The following NPAS2 variants were observed in gnomAD, a reference collection of about 807,000 sequenced individuals.
NPAS2 encodes neuronal PAS domain-containing protein 2.
In NPAS2, 23 loss-of-function variants were observed where a neutral mutation model predicts 107.5. The ratio of observed to expected loss-of-function variants is 0.21; its 90% CI spans 0.15 to 0.30. The LOEUF (loss-of-function observed/expected upper bound fraction) is 0.30, where lower values mean the gene tolerates loss of function less well. Among genes scored for constraint, NPAS2 ranks in the 10% least tolerant of loss-of-function variants. NPAS2 has a pLI of 1.00. For synonymous variants in NPAS2, 403 were observed against 417.5 expected, an observed-to-expected ratio of 0.97 and a Z score of 0.42; for missense variants, 756 against 1,043.3, an observed-to-expected ratio of 0.72 and a Z score of 3.79.
intron 1 of NPAS2, among the ~76,000 whole-genome samples, chr2:100,863,730 A>G (rs769248368): frequency 1.2e-4 from 18 of 152,120 alleles, no homozygotes; most frequent in Non-Finnish European, 2.5e-4. Context: ...TTTTTGTGCA[A>G]ATATTTTATA....
At chr2:100,971,197 G>T (rs1038341996) in intron 12 of NPAS2, 123 bp downstream of exon 12, 18 of 825,246 alleles carry the variant, frequency 2.2e-5, no homozygotes, top group Admixed American at 9.9e-5. Context: ...TATTCAGGAG[G>T]CTGAGGTGGG....
intron 6 of NPAS2, among the ~76,000 whole-genome samples, chr2:100,948,834 T>G (rs2105047981): frequency 6.6e-6 from 1 of 152,346 alleles, no homozygotes; most frequent in African/African-American, 2.4e-5. Context: ...AATTCAGACG[T>G]TTTTATCAAA....
intron 1 of NPAS2, among the ~76,000 whole-genome samples, chr2:100,883,080 A>G (rs541930297): frequency 2.0e-5 from 3 of 152,218 alleles, no homozygotes; most frequent in Admixed American, 6.5e-5. Flanking sequence ...AGCAGTGTCT[A>G]TGATGGATTG....
At chr2:100,920,663 C>G (rs1258988568) in intron 2 of NPAS2, among the ~76,000 whole-genome samples, 1 of 152,198 alleles carries the variant, frequency 6.6e-6, no homozygotes, top group Non-Finnish European at 1.5e-5. Flanking sequence ...AGGACCCAGG[C>G]TGACAGAGGC....
intron 7 of NPAS2, among the ~76,000 whole-genome samples, chr2:100,952,822 C>CT (rs1675313714): frequency 6.7e-6 from 1 of 148,708 alleles, no homozygotes; most frequent in African/African-American, 2.5e-5. Flanking sequence ...GTTTGTTTGC[C>CT]TGAAAGAATG....
At chr2:100,970,673 C>T (rs189276351) in intron 11 of NPAS2, 14 of 242,628 alleles carry the variant, frequency 5.8e-5, no homozygotes, top group Admixed American at 4.9e-4. Context: ...ATCCCATAGA[C>T]GAAAATGTGT....
chr2:100,822,922 G>C (rs1490424707), intron 1 of NPAS2: 1 of 152,206 alleles, frequency 6.6e-6, no homozygotes, highest in Non-Finnish European at 1.5e-5. Context: ...TTAAATAGTG[G>C]ATAGGGTACT....
At chr2:100,821,308 A>C in intron 1 of NPAS2, 1 of 947,540 alleles carries the variant, frequency 1.1e-6, no homozygotes, top group Non-Finnish European at 1.4e-6. Context: ...ACAAAGTCTA[A>C]ACACTCCCGA....
chr2:100,934,737 G>A (rs1684190492), intron 4 of NPAS2: 1 of 966,754 alleles, frequency 1.0e-6, no homozygotes, highest in Non-Finnish European at 1.2e-6. Context: ...CTCCCTGGTG[G>A]CCTGAGCCCC....
chr2:100,840,739 G>T (rs1242114814), intron 1 of NPAS2, among the ~76,000 whole-genome samples: 2 of 152,036 alleles, frequency 1.3e-5, no homozygotes, highest in East Asian at 1.9e-4. Flanking sequence ...CACAGTGGTG[G>T]GGCAGGGAAC....
At chr2:100,966,567 C>T (rs143862478) in intron 10 of NPAS2, among the ~76,000 whole-genome samples, 1 of 151,626 alleles carries the variant, frequency 6.6e-6, no homozygotes, top group African/African-American at 2.4e-5. Context: ...GATGCCTCAC[C>T]TGTAGTACCC....
chr2:100,945,527 G>A (rs1292549551), intron 5 of NPAS2, among the ~76,000 whole-genome samples: 2 of 152,092 alleles, frequency 1.3e-5, no homozygotes, highest in Non-Finnish European at 2.9e-5. Flanking sequence ...TAAAATGCAC[G>A]AGCAGTTCTG....
Position 100,897,994 on chromosome 2 carries a change from G to A in NPAS2, c.-22-6739G>A, listed in dbSNP as rs559699441. On this transcript the variant is annotated intron_variant, in intron 1 of 20. Coordinates refer to ENST00000335681, the MANE Select transcript of NPAS2 (RefSeq NM_002518.4). ...CAAATAGAAGGAGATAGTACACACG[G>A]TGCATGGATCAGAGACCTGCACATT... is the stretch of plus-strand genomic sequence containing the variant. Among the ~76,000 whole-genome samples the A allele has an allele frequency of 3.3e-5, 5 of 152,304 alleles. No homozygotes were observed. In the South Asian group the frequency reaches 8.3e-4, roughly 25 times the overall value.
intron 1 of NPAS2, among the ~76,000 whole-genome samples, chr2:100,846,140 T>A (rs1313183417): frequency 6.6e-6 from 1 of 152,196 alleles, no homozygotes; most frequent in Non-Finnish European, 1.5e-5. Flanking sequence ...CTGAAGGTCA[T>A]GCCCCTCCCC....
intron 1 of NPAS2, chr2:100,878,205 T>C (rs904933246): frequency 3.0e-6 from 3 of 985,318 alleles, no homozygotes; most frequent in East Asian, 1.1e-4. Flanking sequence ...TGGCCCTGGC[T>C]CCAGATGCTA....
chr2:100,843,475 C>G (rs1677576815), intron 1 of NPAS2, among the ~76,000 whole-genome samples: 1 of 152,066 alleles, frequency 6.6e-6, no homozygotes. Flanking sequence ...ATCAGAACCT[C>G]CATTATGGGA....
intron 1 of NPAS2, among the ~76,000 whole-genome samples, chr2:100,840,617 T>C: frequency 6.6e-6 from 1 of 151,330 alleles, no homozygotes; most frequent in East Asian, 2.0e-4. Context: ...TTTTTTTTAA[T>C]CTTAACCCCC....
At chr2:100,960,417 G>C (rs1185746744) in intron 7 of NPAS2, among the ~76,000 whole-genome samples, 2 of 151,682 alleles carry the variant, frequency 1.3e-5, no homozygotes, top group Non-Finnish European at 2.9e-5. Flanking sequence ...ACAAAAATTA[G>C]CCTGGCATTG....
intron 1 of NPAS2, among the ~76,000 whole-genome samples, chr2:100,834,034 T>A (rs1676904107): frequency 1.3e-5 from 2 of 152,142 alleles, no homozygotes; most frequent in South Asian, 4.1e-4. Context: ...GGTGCACCTT[T>A]TCCAGGTAAA....
Sources: gnomAD v4.1 joint callset for allele counts (sites outside exome capture counted in the v4.1 genomes callset) on GRCh38, gnomAD v4.1.1 for gene constraint, MANE v1.5 for transcripts, NCBI Gene and HGNC (gene_info 2026-07-23, HGNC 2026-07-21) for gene names.